Variants in NPR3 observed in about 807,000 individuals in gnomAD.
NPR3 encodes natriuretic peptide receptor 3, also known as atrial natriuretic peptide receptor 3.
NPR3 carries 34 observed loss-of-function variants against 54.5 expected under a neutral mutation model. The ratio of observed to expected loss-of-function variants is 0.62; its 90% CI spans 0.47 to 0.83. The LOEUF (loss-of-function observed/expected upper bound fraction) is 0.83, where lower values mean the gene tolerates loss of function less well. NPR3 is among the 40% of genes least tolerant of loss of function. The pLI, the probability that NPR3 is intolerant of heterozygous loss-of-function variation, is 0.00. For missense variants in NPR3, 674 were observed against 720.8 expected, an observed-to-expected ratio of 0.94 and a Z score of 0.74; for synonymous variants, 289 against 297.1, an observed-to-expected ratio of 0.97 and a Z score of 0.28.
chr5:32,752,428 T>C (rs1016356476), intron 3 of NPR3, among the ~76,000 whole-genome samples: 2 of 151,924 alleles, frequency 1.3e-5, no homozygotes, highest in Admixed American at 1.3e-4. Context: ...TTTAAGCTAA[T>C]GGGAGAAGCT....
chr5:32,703,277 G>A (rs1737877586), intron 1 of NPR3, among the ~76,000 whole-genome samples: 4 of 152,080 alleles, frequency 2.6e-5, no homozygotes, highest in African/African-American at 9.6e-5. Flanking sequence ...GGCATCTTGG[G>A]GTCTCCATTT....
chr5:32,739,866 A>G (rs1739949843), intron 3 of NPR3, among the ~76,000 whole-genome samples: 1 of 152,132 alleles, frequency 6.6e-6, no homozygotes, highest in African/African-American at 2.4e-5. Context: ...CCAAATTGAA[A>G]AGGAGCACCT....
At chr5:32,706,604 C>T (rs527765107), upstream of NPR3, among the ~76,000 whole-genome samples, 39 of 152,280 alleles carry the variant, frequency 2.6e-4, no homozygotes, top group Non-Finnish European at 3.8e-4. Flanking sequence ...GGGAAAGTTT[C>T]GCCAGAGACT....
At chr5:32,785,602 G>C (rs759600373) in intron 7 of NPR3, among the ~76,000 whole-genome samples, 5 of 152,176 alleles carry the variant, frequency 3.3e-5, no homozygotes, top group African/African-American at 1.2e-4. Context: ...AAGAGGAGGA[G>C]GGAGCTTTGC....
chr5:32,761,313 A>G (rs1217464798), intron 3 of NPR3, among the ~76,000 whole-genome samples: 1 of 152,162 alleles, frequency 6.6e-6, no homozygotes. Flanking sequence ...CAATCCATGA[A>G]CATGAGATAC....
intron 1 of NPR3, among the ~76,000 whole-genome samples, chr5:32,692,051 G>T (rs1221035116): frequency 6.6e-6 from 1 of 152,194 alleles, no homozygotes; most frequent in Non-Finnish European, 1.5e-5. Context: ...CCTATGGAAT[G>T]AAAGGAATGT....
intron 3 of NPR3, among the ~76,000 whole-genome samples, chr5:32,747,375 G>A (rs969654904): frequency 6.6e-6 from 1 of 152,036 alleles, no homozygotes; most frequent in African/African-American, 2.4e-5. Flanking sequence ...AAAATAAAAT[G>A]TGAAGAAAAG....
At chr5:32,694,821 C>A (rs1403541672) in intron 1 of NPR3, among the ~76,000 whole-genome samples, 1 of 152,004 alleles carries the variant, frequency 6.6e-6, no homozygotes, top group Non-Finnish European at 1.5e-5. Flanking sequence ...ATATTTTTTA[C>A]CCCATTAACC....
At chr5:32,710,485 G>A, upstream of NPR3, 1 of 611,948 alleles carries the variant, frequency 1.6e-6, no homozygotes, top group Non-Finnish European at 2.4e-6. Context: ...GGAGCAACAA[G>A]TTTCACTTTC....
At chr5:32,780,059 C>A (rs942063318) in intron 4 of NPR3, among the ~76,000 whole-genome samples, 1 of 152,184 alleles carries the variant, frequency 6.6e-6, no homozygotes, top group Non-Finnish European at 1.5e-5. Flanking sequence ...GCTAAATCCC[C>A]AGTCCAGGCT....
intron 4 of NPR3, among the ~76,000 whole-genome samples, chr5:32,778,418 A>C (rs775092078): frequency 2.0e-5 from 3 of 152,196 alleles, no homozygotes. Flanking sequence ...TTTTAACTTG[A>C]ATGGTCACCA....
At chr5:32,763,612 C>A (rs1208057116) in intron 3 of NPR3, among the ~76,000 whole-genome samples, 1 of 151,996 alleles carries the variant, frequency 6.6e-6, no homozygotes, top group Non-Finnish European at 1.5e-5. Context: ...TTGTGCCCAG[C>A]CTCTTTGGCC....
chr5:32,743,214 G>A (rs555028261), intron 3 of NPR3, among the ~76,000 whole-genome samples: 1 of 152,166 alleles, frequency 6.6e-6, no homozygotes, highest in East Asian at 1.9e-4. Context: ...TTTTAGTAGA[G>A]GTAATTGCAC....
intron 3 of NPR3, among the ~76,000 whole-genome samples, chr5:32,769,907 C>T (rs184248166): frequency 1.6e-4 from 24 of 152,328 alleles, no homozygotes; most frequent in Admixed American, 9.1e-4. Context: ...GAAGTGAGAG[C>T]GACGTGGCTC....
intron 4 of NPR3, among the ~76,000 whole-genome samples, chr5:32,775,052 C>A (rs1489706660): frequency 1.3e-5 from 2 of 152,130 alleles, no homozygotes; most frequent in Non-Finnish European, 2.9e-5. Context: ...AGAGGAAAGG[C>A]CTTGTCTCCT....
chr5:32,699,969 C>T (rs976676889), intron 1 of NPR3, among the ~76,000 whole-genome samples: 2 of 152,190 alleles, frequency 1.3e-5, no homozygotes, highest in Admixed American at 1.3e-4. Context: ...ACCAGATATA[C>T]TATTCTAGTT....
At chr5:32,712,656 C>G in intron 1 of NPR3, 111 bp downstream of exon 1, 1 of 1,005,970 alleles carries the variant, frequency 9.9e-7, no homozygotes, top group Non-Finnish European at 1.4e-6. Context: ...GCGCTGAGGT[C>G]GGGTGCGCGC....
chr5:32,714,097 C>A (rs529624692), intron 1 of NPR3, among the ~76,000 whole-genome samples: 100 of 144,676 alleles, frequency 6.9e-4, no homozygotes, highest in African/African-American at 2.5e-3. Context: ...CTAAGGCTCC[C>A]GGAACCTGCT....
chr5:32,744,429 G>A (rs574049338), intron 3 of NPR3, among the ~76,000 whole-genome samples: 3 of 152,216 alleles, frequency 2.0e-5, no homozygotes, highest in Admixed American at 6.5e-5. Flanking sequence ...GACTTAGTTC[G>A]TTAGTTTACT....
Sources: gnomAD v4.1 joint callset for allele counts (sites outside exome capture counted in the v4.1 genomes callset) on GRCh38, gnomAD v4.1.1 for gene constraint, MANE v1.5 for transcripts, NCBI Gene and HGNC (gene_info 2026-07-23, HGNC 2026-07-21) for gene names.